Variants in BOP1 observed in about 807,000 individuals in gnomAD.
The protein encoded by BOP1 is ribosome biogenesis protein BOP1.
Under a neutral mutation model 82.9 loss-of-function variants are expected in BOP1, and 54 were observed. That is an observed-to-expected ratio of 0.65 (90% confidence interval 0.52 to 0.82). The LOEUF is 0.82. Among genes scored for constraint, BOP1 ranks in the 40% least tolerant of loss-of-function variants. BOP1 has a pLI of 0.00. For missense variants in BOP1, 1,170 were observed against 1,072.0 expected, an observed-to-expected ratio of 1.09 and a Z score of -1.28; for synonymous variants, 566 against 451.1, an observed-to-expected ratio of 1.25 and a Z score of -3.23.
At chr8:144,264,202 C>T (rs894677788) in intron 7 of BOP1, 23 bp downstream of exon 7, 42 of 1,607,134 alleles carry the variant, frequency 2.6e-5, no homozygotes, top group South Asian at 8.9e-5. Context: ...GACAGGGTCC[C>T]GGCCCCCAGG....
chr8:144,269,751 C>G lies in BOP1; in HGVS notation c.391-4680G>C, dbSNP rs1390673725. Among the ~76,000 whole-genome samples the G allele has an allele frequency of 1.0e-3, 152 of 152,170 alleles. 2 individuals carry two copies. The highest frequency in any genetic ancestry group is 4.4e-5 in the Non-Finnish European group (3 of 68,036). On this transcript the variant is annotated intron_variant, in intron 3 of 15. Transcript: ENST00000569669. ...CTCCGCCCGCCGGGAAGCCAGGGCCCGGGGGACACGGACATGCAGCTAGGG... is the reference window on the plus strand; with the variant it reads ...CTCCGCCCGCCGGGAAGCCAGGGCCGGGGGGACACGGACATGCAGCTAGGG...
chr8:144,286,156 G>A (rs782388457), intron 2 of BOP1, among the ~76,000 whole-genome samples: 2 of 152,166 alleles, frequency 1.3e-5, no homozygotes, highest in Middle Eastern at 3.2e-3. Flanking sequence ...GAACAGGGGG[G>A]AAAAGGGAGG....
chr8:144,262,314 G>A lies in BOP1; in HGVS notation c.2091C>T (p.Asp697=), dbSNP rs1222721421. 7 of 1,612,752 alleles carry A rather than the reference G, an allele frequency of 4.3e-6. No homozygotes were observed. Among genetic ancestry groups the A allele is most frequent in the East Asian group, 4.5e-5 (2 of 44,880 alleles). The change falls in exon 16 of 16, where the codon GAC becomes GAT. Residue 697 remains aspartate (D), a synonymous_variant. Coordinates refer to ENST00000569669, the MANE Select transcript of BOP1 (RefSeq NM_015201.5). ...VIVCHGMVYN[D]LLQNPLLVPV... ...GCACCAGCAAGGGGTTCTGCAGAAG[G>A]TCACTGTGGGGACGAGGAGGGCTCA...
intron 3 of BOP1, among the ~76,000 whole-genome samples, chr8:144,271,747 C>G (rs549647653): frequency 6.6e-6 from 1 of 152,108 alleles, no homozygotes; most frequent in Non-Finnish European, 1.5e-5. Flanking sequence ...ACCAGCTGAG[C>G]GAACCCCCAG....
In BOP1 at chr8:144,263,005, T is replaced by C; in HGVS notation, c.1742A>G (p.Gln581Arg). The C allele has an allele frequency of 6.4e-7, 1 of 1,558,624 alleles. No homozygotes were observed. Among genetic ancestry groups the C allele is most frequent in the Non-Finnish European group, 8.6e-7 (1 of 1,160,014 alleles). ...AGGGTGGAAGGCCACTCGCTGCACC[T>C]GTCCGTGGCTGCGGCGGAACGGACT... is the stretch of plus-strand genomic sequence containing the variant. ...SQSPFRRSHGQVQRVAFHPAR... is the reference protein window; with the variant it reads ...SQSPFRRSHGRVQRVAFHPAR... The change falls in exon 13 of 16, where the codon CAG (glutamine) becomes CGG (arginine). Residue 581 changes from glutamine to arginine, a missense_variant. Coordinates refer to ENST00000569669, the MANE Select transcript of BOP1 (RefSeq NM_015201.5).
chr8:144,264,457 A>C lies in BOP1; in HGVS notation c.766-20T>G. 6.2e-7 allele frequency: 1 copy of C among 1,606,448 alleles called. No homozygotes were observed. The highest frequency in any genetic ancestry group is 8.5e-7 in the Non-Finnish European group (1 of 1,179,592). On this transcript the variant is annotated intron_variant, in intron 6 of 15. Coordinates refer to ENST00000569669, the MANE Select transcript of BOP1 (RefSeq NM_015201.5). ...AGAGACCTGCATAGACAGCCGGGTC[A>C]GGACGGGCAGTGCGGGGCGGTCAGC...
chr8:144,289,176 T>A lies in BOP1; in HGVS notation c.228A>T (p.Glu76Asp), dbSNP rs782206625. ...SGSDSSEDDD[E>D]GDEEGEDGAL... ...CTCCGTCCTCTCCCTCCTCGTCGCC[T>A]TCGTCATCATCCTCACTGCTGTCAC... Residue 76 changes from glutamate to aspartate, a missense_variant, in exon 2 of 16, where the codon GAA becomes GAT. Coordinates refer to ENST00000569669, the MANE Select transcript of BOP1 (RefSeq NM_015201.5). 2 of 1,614,180 alleles carry A rather than the reference T, an allele frequency of 1.2e-6. No individual in the cohort carries two copies. Among genetic ancestry groups the A allele is most frequent in the Admixed American group, 3.3e-5 (2 of 60,020 alleles).
intron 3 of BOP1, among the ~76,000 whole-genome samples, chr8:144,275,500 CGCTGGCGG>C (rs1845556278): frequency 6.6e-6 from 1 of 151,484 alleles, no homozygotes; most frequent in Admixed American, 6.6e-5. Flanking sequence ...AGCCTCTCCA[CGCTGGCGG>C]AGCCCAGCCC....
intron 3 of BOP1, among the ~76,000 whole-genome samples, chr8:144,273,534 C>T (rs1195742595): frequency 1.3e-5 from 2 of 152,248 alleles, no homozygotes; most frequent in African/African-American, 2.4e-5. Flanking sequence ...AACACGGCCA[C>T]AGGCAGGGGG....
At position 144,264,634 on chromosome 8, in the gene BOP1, G is replaced by A. The variant is rs1845315048; in HGVS notation, c.664-18C>T. The A allele has an allele frequency of 1.0e-5, 16 of 1,580,364 alleles. No homozygotes were observed. Among genetic ancestry groups the A allele is most frequent in the Admixed American group, 1.8e-5 (1 of 55,456 alleles). On this transcript the variant is annotated intron_variant, in intron 5 of 15. Transcript: ENST00000569669. ...ACAGCCGGCTGGGGGAGAAGATGTG[G>A]GCGTGTGGGCCAGAGTGGCTGAGGC...
intron 2 of BOP1, among the ~76,000 whole-genome samples, chr8:144,287,647 G>A (rs192740999): frequency 1.3e-5 from 2 of 152,274 alleles, no homozygotes; most frequent in Admixed American, 6.5e-5. Context: ...TTACAGGTAT[G>A]AGCCACTGTG....
intron 13 of BOP1, 39 bp downstream of exon 13, chr8:144,262,814 C>T: frequency 6.2e-6 from 5 of 809,622 alleles, no homozygotes; most frequent in Non-Finnish European, 8.9e-6. Context: ...CCCCCCCCCC[C>T]ACCCCTCACC....
chr8:144,276,665 T>C (rs1403910481), intron 2 of BOP1, among the ~76,000 whole-genome samples: 4 of 152,148 alleles, frequency 2.6e-5, no homozygotes, highest in East Asian at 3.9e-4. Flanking sequence ...CCCCCATTCA[T>C]GTCAAAGCCA....
At chr8:144,271,977 G>A (rs1845499527) in intron 3 of BOP1, among the ~76,000 whole-genome samples, 1 of 152,138 alleles carries the variant, frequency 6.6e-6, no homozygotes, top group Admixed American at 6.5e-5. Context: ...TCTGCAGGCT[G>A]GAGAGAAGCC....
chr8:144,285,700 G>A lies in BOP1; in HGVS notation c.309+3395C>T, dbSNP rs1054261868. Among the ~76,000 whole-genome samples, 12 of 152,230 alleles carry A rather than the reference G, an allele frequency of 7.9e-5. No homozygotes were observed. The South Asian group carries it at 2.1e-3, about 26-fold the overall frequency. On this transcript the variant is annotated intron_variant, in intron 2 of 15. Coordinates refer to ENST00000569669, the MANE Select transcript of BOP1 (RefSeq NM_015201.5). ...CCAAGGGGCACTGATTCTAGAAGCCGCTCAACGGAAGGGTTCTTGGGTTGA... is the reference window on the plus strand; with the variant it reads ...CCAAGGGGCACTGATTCTAGAAGCCACTCAACGGAAGGGTTCTTGGGTTGA...
At chr8:144,282,259 A>C (rs1554839033) in intron 2 of BOP1, among the ~76,000 whole-genome samples, 1 of 152,226 alleles carries the variant, frequency 6.6e-6, no homozygotes. Flanking sequence ...GGGAGCACAC[A>C]GCCCAGGGCG....
In BOP1 at chr8:144,289,197, G is replaced by A. The variant is rs782349279; in HGVS notation, c.207C>T (p.Asp69=). The change falls in exon 2 of 16, where the codon GAC becomes GAT. Residue 69 remains aspartate (D), a synonymous_variant. Coordinates refer to ENST00000569669, the MANE Select transcript of BOP1 (RefSeq NM_015201.5). ...VFSGLEDSGS[D]SSEDDDEGDE... Reference sequence around the variant, plus strand: ...CGCCTTCGTCATCATCCTCACTGCTGTCACTGCCGGAATCTTCCAGGCCTG... The same window carrying A: ...CGCCTTCGTCATCATCCTCACTGCTATCACTGCCGGAATCTTCCAGGCCTG... 2.5e-6 allele frequency: 4 copies of A among 1,614,184 alleles called. No homozygotes were observed. In the South Asian group the frequency reaches 4.4e-5, roughly 18 times the overall value.
chr8:144,276,441 A>G, intron 2 of BOP1, 137 bp from the exon 3 acceptor site: 1 of 1,011,378 alleles, frequency 9.9e-7, no homozygotes, highest in Non-Finnish European at 1.5e-6. Context: ...AAGGCCGAGA[A>G]CACCCAGCTC....
At chr8:144,263,639 C>T (rs1564594623) in intron 10 of BOP1, 29 bp from the exon 11 acceptor site, 3 of 1,606,980 alleles carry the variant, frequency 1.9e-6, no homozygotes, top group Non-Finnish European at 2.5e-6. Context: ...GCTCTCAACA[C>T]CTGGCCATCC....
Sources: gnomAD v4.1 joint callset for allele counts (sites outside exome capture counted in the v4.1 genomes callset) on GRCh38, gnomAD v4.1.1 for gene constraint, MANE v1.5 for transcripts, NCBI Gene and HGNC (gene_info 2026-07-23, HGNC 2026-07-21) for gene names.